IFT74: variants seen among roughly 807,000 people sequenced by gnomAD.
IFT74 encodes intraflagellar transport protein 74 homolog.
Under a neutral mutation model 96.7 loss-of-function variants are expected in IFT74, and 92 were observed. The observed-to-expected ratio is 0.95, with a 90% CI of 0.80 to 1.13. The LOEUF is 1.13. IFT74 is among the 50% of genes most tolerant of loss of function. The pLI, the probability that IFT74 is intolerant of heterozygous loss-of-function variation, is 0.00. For synonymous variants in IFT74, 223 were observed against 213.2 expected, an observed-to-expected ratio of 1.05 and a Z score of -0.40; for missense variants, 811 against 698.2, an observed-to-expected ratio of 1.16 and a Z score of -1.82.
chr9:27,010,494 T>TG (rs949588350), intron 9 of IFT74, among the ~76,000 whole-genome samples: 1 of 147,214 alleles, frequency 6.8e-6, no homozygotes, highest in African/African-American at 2.6e-5. Flanking sequence ...TGTTTTTTTT[T>TG]TTTTGTTTTT....
intron 19 of IFT74, among the ~76,000 whole-genome samples, chr9:27,061,695 A>ATATATATATATG (rs767187125): frequency 8.8e-5 from 13 of 148,480 alleles, no homozygotes; most frequent in Non-Finnish European, 1.3e-4. Flanking sequence ...ATATATATAT[A>ATATATATATATG]TGTACATAAT....
chr9:27,062,791 A>AC lies in IFT74; in HGVS notation c.*56dup. 4 of 922,214 alleles carry AC rather than the reference A, an allele frequency of 4.3e-6. No homozygotes were observed. Among genetic ancestry groups the AC allele is most frequent in the Non-Finnish European group, 6.6e-6 (4 of 602,758 alleles). 57.1% of individuals were successfully genotyped at this position (922,214 alleles called of 1,614,324 possible). ...GTATCCTCTTGCTGCTAAACTTGGTACAAGTTGACTACCAAAAAAAAAAAA... is the reference window on the plus strand; with the variant it reads ...GTATCCTCTTGCTGCTAAACTTGGTACCAAGTTGACTACCAAAAAAAAAAAA... On this transcript the variant is annotated 3_prime_UTR_variant, in exon 20 of 20. Transcript: ENST00000380062.
chr9:27,008,885 TAA>T (rs1828915589), intron 8 of IFT74, 133 bp from the exon 9 acceptor site: 2 of 674,628 alleles, frequency 3.0e-6, no homozygotes, highest in African/African-American at 3.6e-5. Flanking sequence ...AGTACAAATA[TAA>T]AGACTTTTCA....
At chr9:27,060,822 C>T (rs1587433981) in intron 19 of IFT74, 171 bp downstream of exon 19, 4 of 387,724 alleles carry the variant, frequency 1.0e-5, no homozygotes, top group Non-Finnish European at 1.4e-5. Context: ...CATAGCCGGG[C>T]GTGGTGGCGG....
chr9:27,060,808 A>C (rs1329596516), intron 19 of IFT74, among the ~76,000 whole-genome samples, 157 bp downstream of exon 19: 6 of 151,646 alleles, frequency 4.0e-5, no homozygotes, highest in Non-Finnish European at 8.8e-5. Context: ...AAATACAAAA[A>C]AAACATAGCC....
chr9:27,057,239 A>C (rs953944441), intron 18 of IFT74, among the ~76,000 whole-genome samples: 1 of 152,144 alleles, frequency 6.6e-6, no homozygotes, highest in Admixed American at 6.6e-5. Flanking sequence ...AATTATTTAC[A>C]TAGGATGCGT....
chr9:26,986,393 G>C (rs889133698), intron 6 of IFT74, among the ~76,000 whole-genome samples: 3 of 150,892 alleles, frequency 2.0e-5, no homozygotes, highest in African/African-American at 7.3e-5. Context: ...ATGGCTCGCT[G>C]CAGCCTAGAC....
At chr9:26,983,509 T>C (rs984936677) in intron 4 of IFT74, among the ~76,000 whole-genome samples, 1 of 152,092 alleles carries the variant, frequency 6.6e-6, no homozygotes, top group Non-Finnish European at 1.5e-5. Context: ...AGGATGCTGG[T>C]AAACATCCTG....
chr9:27,009,007 C>A lies in IFT74; in HGVS notation c.588-13C>A. 6.2e-7 allele frequency: 1 copy of A among 1,604,152 alleles called. No homozygotes were observed. The highest frequency in any genetic ancestry group is 8.5e-7 in the Non-Finnish European group (1 of 1,173,238). On this transcript the variant is annotated splice_polypyrimidine_tract_variant and intron_variant, in intron 8 of 19. Coordinates refer to ENST00000380062, the MANE Select transcript of IFT74 (RefSeq NM_025103.4). ...AATATAGTATCAGGAATATTACGTG[C>A]TTCTGATTTTAGGAAAGAAAAACAA...
intron 14 of IFT74, among the ~76,000 whole-genome samples, chr9:27,046,999 C>G (rs1421771266): frequency 6.6e-6 from 1 of 152,034 alleles, no homozygotes; most frequent in African/African-American, 2.4e-5. Context: ...ATGGTGAAAC[C>G]CTGTCTCTGG....
At chr9:26,959,331 G>A (rs1317532428) in intron 1 of IFT74, among the ~76,000 whole-genome samples, 1 of 152,018 alleles carries the variant, frequency 6.6e-6, no homozygotes, top group African/African-American at 2.4e-5. Flanking sequence ...GGATGGTCTC[G>A]ATCTCCTGAC....
chr9:27,016,925 G>C lies in IFT74; in HGVS notation c.808G>C (p.Val270Leu), dbSNP rs1829370670. Reference protein sequence around the residue: ...SLEAEIAHSQVKQEAVLLHEK... With the variant: ...SLEAEIAHSQLKQEAVLLHEK... ...CCTTTAGGAAATAGCTCACTCCCAGGTGAAACAGGAGGCGGTATTGCTGCA... is the reference window on the plus strand; with the variant it reads ...CCTTTAGGAAATAGCTCACTCCCAGCTGAAACAGGAGGCGGTATTGCTGCA... The change falls in exon 11 of 20, where the codon GTG becomes CTG. Residue 270 changes from valine (V) to leucine (L), a missense_variant. Coordinates refer to ENST00000380062, the MANE Select transcript of IFT74 (RefSeq NM_025103.4). 9 of 1,604,892 alleles carry C rather than the reference G, an allele frequency of 5.6e-6. No individual in the cohort carries two copies. The highest frequency in any genetic ancestry group is 7.7e-6 in the Non-Finnish European group (9 of 1,175,874).
At chr9:27,061,178 C>T (rs968759463) in intron 19 of IFT74, among the ~76,000 whole-genome samples, 27 of 151,672 alleles carry the variant, frequency 1.8e-4, no homozygotes, top group African/African-American at 6.6e-4. Flanking sequence ...TGCGCACGCA[C>T]GTGCCCTCAA....
intron 9 of IFT74, among the ~76,000 whole-genome samples, chr9:27,010,258 G>T (rs1478753915): frequency 1.3e-5 from 2 of 151,980 alleles, no homozygotes; most frequent in African/African-American, 4.8e-5. Context: ...CAAAGTGCTG[G>T]TATTACAGGC....
intron 2 of IFT74, chr9:26,976,853 AT>A: frequency 2.3e-6 from 1 of 443,844 alleles, no homozygotes; most frequent in South Asian, 1.6e-5. Flanking sequence ...GTTATGTTGG[AT>A]TTTGCATACC....
chr9:26,960,134 C>CA (rs1169783253), intron 1 of IFT74, among the ~76,000 whole-genome samples: 1 of 152,040 alleles, frequency 6.6e-6, no homozygotes, highest in Non-Finnish European at 1.5e-5. Flanking sequence ...CTTGAATTTC[C>CA]AACGTAAATG....
chr9:26,995,755 G>C lies in IFT74; in HGVS notation c.587+5560G>C, dbSNP rs1488097655. On this transcript the variant is annotated intron_variant, in intron 8 of 19. Transcript: ENST00000380062. ...TAAGCAGAATATTGTACCATATTGG[G>C]CATTTGATAGCAATAAAAATGAGAA... 1.9e-6 allele frequency: 3 copies of C among 1,613,710 alleles called. No individual in the cohort carries two copies. The Admixed American group carries it at 5.0e-5, about 27-fold the overall frequency.
At chr9:26,985,901 G>A (rs183525464) in intron 6 of IFT74, among the ~76,000 whole-genome samples, 114 of 152,192 alleles carry the variant, frequency 7.5e-4, no homozygotes, top group African/African-American at 2.7e-3. Context: ...TGTGTACATT[G>A]TCAAAATAGA....
intron 8 of IFT74, among the ~76,000 whole-genome samples, chr9:27,008,152 G>A (rs1444343623): frequency 6.6e-6 from 1 of 152,136 alleles, no homozygotes; most frequent in African/African-American, 2.4e-5. Flanking sequence ...GTTAACTAAA[G>A]CAGTAAGTAA....
Sources: gnomAD v4.1 joint callset for allele counts (sites outside exome capture counted in the v4.1 genomes callset) on GRCh38, gnomAD v4.1.1 for gene constraint, MANE v1.5 for transcripts, NCBI Gene and HGNC (gene_info 2026-07-23, HGNC 2026-07-21) for gene names.